The following TBCK variants were observed in gnomAD, a reference collection of about 807,000 sequenced individuals.
TBCK encodes the protein TBC1 domain containing kinase.
Under a neutral mutation model 113.4 loss-of-function variants are expected in TBCK, and 99 were observed. That is an observed-to-expected ratio of 0.87 (90% CI 0.74 to 1.03). The LOEUF (loss-of-function observed/expected upper bound fraction) is 1.03, where lower values mean the gene tolerates loss of function less well. TBCK is among the 50% of genes least tolerant of loss of function. The pLI, the probability that TBCK is intolerant of heterozygous loss-of-function variation, is 0.00. For synonymous variants in TBCK, 369 were observed against 370.8 expected, an observed-to-expected ratio of 1.00 and a Z score of 0.05; for missense variants, 1,045 against 1,061.3, an observed-to-expected ratio of 0.98 and a Z score of 0.21.
In TBCK at chr4:106,124,767, C is replaced by T. The variant is rs886396698; in HGVS notation, c.2236-8389G>A. Among the ~76,000 whole-genome samples the T allele has an allele frequency of 4.9e-4, 74 of 151,818 alleles. 2 individuals are homozygous for T. The highest frequency in any genetic ancestry group is 1.6e-3 in the Admixed American group (25 of 15,242). On this transcript the variant is annotated intron_variant, in intron 23 of 25. Coordinates refer to ENST00000394708, the MANE Select transcript of TBCK (RefSeq NM_001163435.3). ...ATCGCAAGAACAAAAAACCAAACAC[C>T]GCATATTCTCACTCATAGGTGGGAA...
At chr4:106,212,230 C>A (rs545038258) in intron 20 of TBCK, among the ~76,000 whole-genome samples, 25 of 152,076 alleles carry the variant, frequency 1.6e-4, no homozygotes, top group Middle Eastern at 6.8e-3. Flanking sequence ...TATGTTTATT[C>A]AACAGCCTTT....
At chr4:106,085,690 A>T (rs572198338) in intron 25 of TBCK, among the ~76,000 whole-genome samples, 2 of 152,324 alleles carry the variant, frequency 1.3e-5, no homozygotes, top group South Asian at 4.1e-4. Context: ...CTAAAATTCA[A>T]CCACATAATT....
At chr4:106,135,398 G>A (rs1437161348) in intron 23 of TBCK, among the ~76,000 whole-genome samples, 1 of 152,038 alleles carries the variant, frequency 6.6e-6, no homozygotes, top group Non-Finnish European at 1.5e-5. Context: ...AACAGAATCA[G>A]GATTCAAATT....
chr4:106,305,097 T>G (rs1398644241), intron 2 of TBCK, among the ~76,000 whole-genome samples: 1 of 152,176 alleles, frequency 6.6e-6, no homozygotes, highest in Non-Finnish European at 1.5e-5. Flanking sequence ...CTTTTATCAG[T>G]TTGATTCCTG....
intron 22 of TBCK, among the ~76,000 whole-genome samples, chr4:106,191,404 A>T (rs1350302962): frequency 6.6e-6 from 1 of 152,220 alleles, no homozygotes; most frequent in East Asian, 1.9e-4. Flanking sequence ...ATCAGTTAAA[A>T]ATATCAAATT....
chr4:106,304,273 G>T (rs540342759), intron 2 of TBCK, among the ~76,000 whole-genome samples: 1 of 152,156 alleles, frequency 6.6e-6, no homozygotes, highest in East Asian at 1.9e-4. Context: ...AAAAAAAGGT[G>T]GGGGACAAAA....
intron 25 of TBCK, among the ~76,000 whole-genome samples, chr4:106,067,600 T>C (rs1366048900): frequency 1.3e-5 from 2 of 152,200 alleles, no homozygotes; most frequent in Non-Finnish European, 2.9e-5. Context: ...TATCTCCACA[T>C]TTTCCTCTAA....
chr4:106,118,568 A>C (rs1743847267), intron 23 of TBCK, among the ~76,000 whole-genome samples: 1 of 152,206 alleles, frequency 6.6e-6, no homozygotes, highest in Non-Finnish European at 1.5e-5. Context: ...ATTAGATTGC[A>C]ATCTCTACAG....
intron 19 of TBCK, among the ~76,000 whole-genome samples, chr4:106,223,332 G>A (rs1757910789): frequency 6.6e-6 from 1 of 152,028 alleles, no homozygotes; most frequent in Non-Finnish European, 1.5e-5. Flanking sequence ...TTTGACAACT[G>A]GACTTTAGAC....
chr4:106,212,765 A>T lies in TBCK; in HGVS notation c.1845T>A (p.Ile615=), dbSNP rs772980535. Residue 615 remains isoleucine (I), a synonymous_variant, in exon 20 of 26, where the codon ATT becomes ATA. Coordinates refer to ENST00000394708, the MANE Select transcript of TBCK (RefSeq NM_001163435.3). ...AAGTACTTACATCTGGAATGAAACC[A>T]ATCTCATTGAGATGATTACTCAGCT... ...DPELSNHLNE[I]GFIPDLYAIP... is the part of the protein sequence containing the mutation. The T allele has an allele frequency of 6.2e-7, 1 of 1,610,072 alleles. No individual in the cohort carries two copies. Among genetic ancestry groups the T allele is most frequent in the Admixed American group, 1.7e-5 (1 of 59,804 alleles).
At position 106,129,633 on chromosome 4, in the gene TBCK, T is replaced by C. The variant is rs72677325; in HGVS notation, c.2236-13255A>G. ...GCTTTGTCAAAAAAAAGGGGAGATA[T>C]AAACATATACTTGACAAAAGAAGAA... On this transcript the variant is annotated intron_variant, in intron 23 of 25. Coordinates refer to ENST00000394708, the MANE Select transcript of TBCK (RefSeq NM_001163435.3). Among the ~76,000 whole-genome samples, 568 of 152,206 alleles carry C rather than the reference T, an allele frequency of 3.7e-3. 6 individuals carry two copies. The highest frequency in any genetic ancestry group is 6.2e-3 in the Non-Finnish European group (420 of 67,990).
At chr4:106,120,055 C>T (rs369484164) in intron 23 of TBCK, among the ~76,000 whole-genome samples, 6 of 152,232 alleles carry the variant, frequency 3.9e-5, no homozygotes, top group South Asian at 4.2e-4. Context: ...TCTGAGGTAC[C>T]GGGTTCATCT....
In TBCK at chr4:106,138,131, A is replaced by C. The variant is rs529134923; in HGVS notation, c.2236-21753T>G. On this transcript the variant is annotated intron_variant, in intron 23 of 25. Transcript: ENST00000394708. ...AATATGGAAAACCAAATGTCGCAGA[A>C]CCATTACTGAATATCAATTATTTCC... Among the ~76,000 whole-genome samples, 12 of 141,474 alleles carry C rather than the reference A, an allele frequency of 8.5e-5. 1 individual carries two copies. The East Asian group carries it at 2.2e-3, about 26-fold the overall frequency. The allele number at this position is 141,474 out of a possible 152,430, so 92.8% of individuals were successfully genotyped here.
intron 12 of TBCK, among the ~76,000 whole-genome samples, chr4:106,238,002 A>G (rs1481327744): frequency 1.3e-5 from 2 of 152,092 alleles, no homozygotes. Flanking sequence ...TCATTTTAAG[A>G]TTCAGCAAAT....
In TBCK at chr4:106,232,974, A is replaced by G. The variant is rs1054152784; in HGVS notation, c.1603T>C (p.Trp535Arg). 7 of 1,612,324 alleles carry G rather than the reference A, an allele frequency of 4.3e-6. No individual in the cohort carries two copies. Among genetic ancestry groups the G allele is most frequent in the Non-Finnish European group, 5.1e-6 (6 of 1,178,872 alleles). ...HAKFRRVLKAWVVSHPDLVYW... is the reference protein window; with the variant it reads ...HAKFRRVLKARVVSHPDLVYW... ...ACAAGATCAGGATGAGACACTACCCAGGCTTTTAATACACGCCTAAATTTT... is the reference window on the plus strand; with the variant it reads ...ACAAGATCAGGATGAGACACTACCCGGGCTTTTAATACACGCCTAAATTTT... The change falls in exon 17 of 26, where the codon TGG (tryptophan) becomes CGG (arginine). Residue 535 changes from tryptophan to arginine, a missense_variant. Coordinates refer to ENST00000394708, the MANE Select transcript of TBCK (RefSeq NM_001163435.3).
rs190231905 is a variant in TBCK at position 106,118,368 on chromosome 4, T to G, written c.2236-1990A>C. On this transcript the variant is annotated intron_variant, in intron 23 of 25. Transcript: ENST00000394708. Reference sequence around the variant, plus strand: ...CTTGTTCTCTTACTTCATTAACTTTTAAATAGAAATGGAAATTGCTAAGCT... The same window carrying G: ...CTTGTTCTCTTACTTCATTAACTTTGAAATAGAAATGGAAATTGCTAAGCT... Among the ~76,000 whole-genome samples the G allele has an allele frequency of 2.5e-3, 379 of 152,370 alleles. 2 individuals carry two copies. The highest frequency in any genetic ancestry group is 8.7e-3 in the African/African-American group (364 of 41,606).
intron 25 of TBCK, among the ~76,000 whole-genome samples, chr4:106,071,529 A>G (rs532592205): frequency 2.6e-5 from 4 of 152,338 alleles, no homozygotes; most frequent in Admixed American, 1.3e-4. Context: ...TATGTGGTCA[A>G]TTTTGGAATA....
intron 21 of TBCK, 50 bp downstream of exon 21, chr4:106,194,668 T>G (rs775013614): frequency 6.9e-7 from 1 of 1,454,914 alleles, no homozygotes; most frequent in Non-Finnish European, 9.5e-7. Flanking sequence ...GGCATCGGGC[T>G]GTCCTTTTGC....
At chr4:106,134,033 A>AG (rs78092586) in intron 23 of TBCK, among the ~76,000 whole-genome samples, 5 of 151,800 alleles carry the variant, frequency 3.3e-5, no homozygotes, top group Non-Finnish European at 7.4e-5. Context: ...AAACAAAAAA[A>AG]AAAACAAAAC....
Sources: allele counts gnomAD v4.1 joint callset (sites outside exome capture counted in the v4.1 genomes callset), GRCh38; gene constraint gnomAD v4.1.1; transcripts MANE v1.5; gene names NCBI Gene and HGNC (gene_info 2026-07-23, HGNC 2026-07-21).